BSPRY: variants seen among roughly 807,000 people sequenced by gnomAD.
BSPRY encodes the protein B-box and SPRY domain containing.
BSPRY carries 33 observed loss-of-function variants against 38.0 expected under a neutral mutation model. The ratio of observed to expected loss-of-function variants is 0.87; its 90% CI spans 0.66 to 1.16. The LOEUF is 1.16. Ranked by LOEUF, BSPRY falls within the 50% of genes most tolerant of loss-of-function variation. BSPRY has a pLI of 0.00. For synonymous variants in BSPRY, 224 were observed against 228.5 expected (o/e 0.98, Z 0.18); for missense variants, 523 against 533.2 (o/e 0.98, Z 0.19).
Position 113,349,757 on chromosome 9 carries a change from G to T in BSPRY, c.178G>T (p.Glu60Ter). 8.1e-7 allele frequency: 1 copy of T among 1,235,958 alleles called. No individual in the cohort carries two copies. Among genetic ancestry groups the T allele is most frequent in the Non-Finnish European group, 1.0e-6 (1 of 990,586 alleles). 76.6% of individuals were successfully genotyped at this position (1,235,958 alleles called of 1,614,324 possible). Reference sequence around the variant, plus strand: ...CCGGGGGCACCGCATCCGCCGGGCGGAGGAGCGCGCCGAGGAGCTGCGGGT... The same window carrying T: ...CCGGGGGCACCGCATCCGCCGGGCGTAGGAGCGCGCCGAGGAGCTGCGGGT... The part of the protein sequence containing the change: ...RCRGHRIRRA[E>*]ERAEELRNKI... The change falls in exon 1 of 6, where the codon GAG becomes TAG. Residue 60 changes from glutamate (E) to a stop codon, truncating the protein, a stop_gained. Coordinates refer to ENST00000374183, the MANE Select transcript of BSPRY (RefSeq NM_017688.3). LOFTEE classifies it high-confidence loss of function.
At chr9:113,360,283 C>A (rs1834127165) in intron 2 of BSPRY, among the ~76,000 whole-genome samples, 1 of 152,144 alleles carries the variant, frequency 6.6e-6, no homozygotes, top group African/African-American at 2.4e-5. Flanking sequence ...TGAGATATGG[C>A]CTATGTGTCT....
At chr9:113,361,698 C>T (rs1222251601) in intron 3 of BSPRY, among the ~76,000 whole-genome samples, 1 of 152,206 alleles carries the variant, frequency 6.6e-6, no homozygotes, top group African/African-American at 2.4e-5. Flanking sequence ...AGAGAGAACA[C>T]TGTGCTCCGG....
At position 113,370,662 on chromosome 9, in the gene BSPRY, T is replaced by C. The variant is rs1251282893; in HGVS notation, c.*520T>C. ...GAGCATGCAATAAATATTTGGCAGGTGAGTGGATGGATAGATGGATAGGTG... is the reference window on the plus strand; with the variant it reads ...GAGCATGCAATAAATATTTGGCAGGCGAGTGGATGGATAGATGGATAGGTG... On this transcript the variant is annotated 3_prime_UTR_variant, in exon 6 of 6. Transcript: ENST00000374183. The surrounding 1 kb of genome is among the most constrained non-coding windows in gnomAD (Gnocchi z 4.8). 2.6e-5 allele frequency: 4 copies of C among 152,358 alleles called. No homozygotes were observed. The highest frequency in any genetic ancestry group is 4.8e-5 in the African/African-American group (2 of 41,420). 9.4% of individuals were successfully genotyped at this position (152,358 alleles called of 1,614,324 possible). A position where few individuals can be genotyped will look rare whatever the true frequency, so the allele number is the denominator to read the frequency against.
intron 4 of BSPRY, among the ~76,000 whole-genome samples, chr9:113,365,193 G>A (rs865944566): frequency 6.6e-5 from 10 of 152,066 alleles, no homozygotes; most frequent in African/African-American, 1.9e-4. Context: ...ATAAAGTTAT[G>A]CTTTTCCTTT....
At chr9:113,350,951 A>G (rs1041023694) in intron 1 of BSPRY, among the ~76,000 whole-genome samples, 4 of 152,232 alleles carry the variant, frequency 2.6e-5, no homozygotes, top group African/African-American at 9.6e-5. Flanking sequence ...TACATTTTAC[A>G]GATGAGGCAC....
In BSPRY at chr9:113,359,459, G is replaced by A. The variant is rs572099491; in HGVS notation, c.301-1048G>A. 2.0e-5 allele frequency among the ~76,000 whole-genome samples: 3 copies of A among 152,338 alleles called. No homozygotes were observed. In the East Asian group the frequency reaches 5.8e-4, roughly 29 times the overall value. ...TCTGTAAAATAGGAATGATTGCCCT[G>A]TGCACTGTACAAAGCAGGTCTTAAG... is the stretch of plus-strand genomic sequence containing the variant. On this transcript the variant is annotated intron_variant, in intron 2 of 5. Coordinates refer to ENST00000374183, the MANE Select transcript of BSPRY (RefSeq NM_017688.3).
Position 113,354,309 on chromosome 9 carries a change from G to A in BSPRY, c.271G>A (p.Val91Ile), listed in dbSNP as rs762490754. 2.7e-5 allele frequency: 43 copies of A among 1,613,992 alleles called. No individual in the cohort carries two copies. The highest frequency in any genetic ancestry group is 4.4e-5 in the South Asian group (4 of 91,088). ...TGCCATCACCAAGTATGTGGCGGAC[G>A]TCCTGCCGGGGAAGAATCAAAGAGC... ...SAAITKYVADVLPGKNQRAVS... is the reference protein window; with the variant it reads ...SAAITKYVADILPGKNQRAVS... The change falls in exon 2 of 6, where the codon GTC becomes ATC. Residue 91 changes from valine (V) to isoleucine (I), a missense_variant. Transcript: ENST00000374183.
intron 1 of BSPRY, 114 bp downstream of exon 1, chr9:113,349,894 G>C: frequency 2.6e-6 from 3 of 1,174,154 alleles, no homozygotes; most frequent in Non-Finnish European, 3.2e-6. Context: ...CCCGGCCCCG[G>C]AGCCTAGGCT....
At chr9:113,361,536 C>G (rs893424818) in intron 3 of BSPRY, among the ~76,000 whole-genome samples, 2 of 152,156 alleles carry the variant, frequency 1.3e-5, no homozygotes, top group Non-Finnish European at 2.9e-5. Flanking sequence ...GGTAGAGGAA[C>G]TCACCCATGC....
intron 1 of BSPRY, 101 bp downstream of exon 1, chr9:113,349,881 A>G (rs1319217768): frequency 1.3e-5 from 15 of 1,181,994 alleles, no homozygotes; most frequent in Non-Finnish European, 1.6e-5. Flanking sequence ...GGCGGACTCG[A>G]CACCCGGCCC....
rs201889836 is a variant in BSPRY, at chr9:113,368,375, C to A, written c.674C>A (p.Ser225Tyr). 2 of 1,614,078 alleles carry A rather than the reference C, an allele frequency of 1.2e-6. No individual in the cohort carries two copies. The highest frequency in any genetic ancestry group is 1.7e-5 in the Admixed American group (1 of 60,002). The change falls in exon 5 of 6, where the codon TCT becomes TAT. Residue 225 changes from serine (S) to tyrosine (Y), a missense_variant. Ser to Tyr is a moderately radical substitution (Grantham distance 144). Coordinates refer to ENST00000374183, the MANE Select transcript of BSPRY (RefSeq NM_017688.3). ...TQLWATAVLG[S>Y]LSGTEDIRID... Reference sequence around the variant, plus strand: ...CTCTGGGCAACGGCGGTTCTTGGGTCTCTCTCAGGTTAGGAGCAGTAGAGC... The same window carrying A: ...CTCTGGGCAACGGCGGTTCTTGGGTATCTCTCAGGTTAGGAGCAGTAGAGC...
chr9:113,355,979 T>C (rs1255132241), intron 2 of BSPRY, among the ~76,000 whole-genome samples: 1 of 152,184 alleles, frequency 6.6e-6, no homozygotes, highest in Non-Finnish European at 1.5e-5. Context: ...TTAACAAATC[T>C]TTATTGAGCA....
chr9:113,355,047 G>A (rs1210765443), intron 2 of BSPRY, among the ~76,000 whole-genome samples: 1 of 152,114 alleles, frequency 6.6e-6, no homozygotes, highest in Non-Finnish European at 1.5e-5. Context: ...AGTAGAGACG[G>A]GGTTTTACCA....
chr9:113,365,784 G>A (rs1358380134), intron 4 of BSPRY, among the ~76,000 whole-genome samples: 2 of 149,720 alleles, frequency 1.3e-5, no homozygotes, highest in African/African-American at 4.9e-5. Flanking sequence ...TTTGATGCAT[G>A]AGTTTGTGTC....
At chr9:113,364,049 G>T (rs149491974) in intron 4 of BSPRY, among the ~76,000 whole-genome samples, 3 of 151,772 alleles carry the variant, frequency 2.0e-5, no homozygotes, top group Non-Finnish European at 2.9e-5. Context: ...AGCTAGGTGC[G>T]GTAGCGTACC....
chr9:113,354,475 G>A, intron 2 of BSPRY, 137 bp downstream of exon 2: 1 of 679,138 alleles, frequency 1.5e-6, no homozygotes, highest in Non-Finnish European at 2.6e-6. Flanking sequence ...ATCCCTCAGA[G>A]ACTCAATTTT....
At chr9:113,363,936 C>G (rs1834199979) in intron 4 of BSPRY, among the ~76,000 whole-genome samples, 1 of 145,962 alleles carries the variant, frequency 6.9e-6, no homozygotes, top group Non-Finnish European at 1.5e-5. Context: ...CGCCTGTAAT[C>G]CCATCACTTA....
rs559296106 is a variant in BSPRY at position 113,355,724 on chromosome 9, C to T, written c.300+1386C>T. Reference sequence around the variant, plus strand: ...CCGTCTCCTGGGTTCGAGCGATTCTCCTGCTTCAGCCTCCCGTGTAGCTGG... The same window carrying T: ...CCGTCTCCTGGGTTCGAGCGATTCTTCTGCTTCAGCCTCCCGTGTAGCTGG... On this transcript the variant is annotated intron_variant, in intron 2 of 5. Coordinates refer to ENST00000374183, the MANE Select transcript of BSPRY (RefSeq NM_017688.3). Among the ~76,000 whole-genome samples the T allele has an allele frequency of 1.9e-4, 29 of 152,034 alleles. 1 individual carries two copies. In the South Asian group the frequency reaches 5.6e-3, roughly 30 times the overall value.
rs531186983 is a variant in BSPRY at position 113,363,907 on chromosome 9, A to T, written c.557+1513A>T. Among the ~76,000 whole-genome samples the T allele has an allele frequency of 6.9e-4, 93 of 134,288 alleles. 1 individual carries two copies. In the South Asian group the frequency reaches 0.017, roughly 25 times the overall value. The allele number at this position is 134,288 out of a possible 152,430, so 88.1% of individuals were successfully genotyped here. Reference sequence around the variant, plus strand: ...AAAAAAAAAAAAAAAAAAAAAAAAAAGCTGGGCGTGATGACTCACGCCTGT... The same window carrying T: ...AAAAAAAAAAAAAAAAAAAAAAAAATGCTGGGCGTGATGACTCACGCCTGT... On this transcript the variant is annotated intron_variant, in intron 4 of 5. Coordinates refer to ENST00000374183, the MANE Select transcript of BSPRY (RefSeq NM_017688.3).
Sources: gnomAD v4.1 joint callset for allele counts (sites outside exome capture counted in the v4.1 genomes callset) on GRCh38, gnomAD v4.1.1 for gene constraint, Gnocchi (gnomAD v3.1) non-coding constraint, MANE v1.5 for transcripts, NCBI Gene and HGNC (gene_info 2026-07-23, HGNC 2026-07-21) for gene names.